The following PTPRG variants were observed in gnomAD, a reference collection of about 807,000 sequenced individuals.
PTPRG encodes the protein protein tyrosine phosphatase receptor type G.
PTPRG carries 102 observed loss-of-function variants against 165.3 expected under a neutral mutation model. The ratio of observed to expected loss-of-function variants is 0.62; its 90% CI spans 0.53 to 0.73. The LOEUF (loss-of-function observed/expected upper bound fraction) is 0.73, where lower values mean the gene tolerates loss of function less well. PTPRG is among the 30% of genes least tolerant of loss of function. The pLI is 0.00. For missense variants in PTPRG, 1,866 were observed against 1,861.4 expected (o/e 1.00, Z -0.05); for synonymous variants, 675 against 669.5 (o/e 1.01, Z -0.13).
intron 1 of PTPRG, among the ~76,000 whole-genome samples, chr3:61,703,225 C>T (rs1194390061): frequency 6.6e-6 from 1 of 152,018 alleles, no homozygotes; most frequent in Non-Finnish European, 1.5e-5. Flanking sequence ...TTGTGTTTGC[C>T]CCACTTATAT....
At chr3:61,939,874 T>G (rs1241576952) in intron 2 of PTPRG, among the ~76,000 whole-genome samples, 1 of 150,536 alleles carries the variant, frequency 6.6e-6, no homozygotes, top group Non-Finnish European at 1.5e-5. Flanking sequence ...ACTTTTGAAT[T>G]GAATGGAAAG....
At chr3:61,644,566 C>G (rs535025690) in intron 1 of PTPRG, among the ~76,000 whole-genome samples, 2 of 152,098 alleles carry the variant, frequency 1.3e-5, no homozygotes, top group Non-Finnish European at 2.9e-5. Flanking sequence ...ATACGCATCT[C>G]GTATTTGTGC....
At chr3:61,680,618 CA>C (rs749075962) in intron 1 of PTPRG, among the ~76,000 whole-genome samples, 5 of 126,672 alleles carry the variant, frequency 3.9e-5, no homozygotes, top group Admixed American at 8.2e-5. Flanking sequence ...AAAAATCATA[CA>C]AAAAAAATAG....
chr3:61,681,487 C>T (rs1041083628), intron 1 of PTPRG, among the ~76,000 whole-genome samples: 1 of 152,188 alleles, frequency 6.6e-6, no homozygotes, highest in East Asian at 1.9e-4. Context: ...GTCAGACTGC[C>T]TGCTAGGACC....
intron 4 of PTPRG, among the ~76,000 whole-genome samples, chr3:62,027,446 C>A (rs1699600072): frequency 1.3e-5 from 2 of 152,100 alleles, no homozygotes; most frequent in African/African-American, 4.8e-5. Flanking sequence ...ATGCAGTGGG[C>A]TGTGTCAGCA....
At chr3:62,004,351 A>T (rs989348719) in intron 4 of PTPRG, among the ~76,000 whole-genome samples, 3 of 152,186 alleles carry the variant, frequency 2.0e-5, no homozygotes, top group African/African-American at 7.2e-5. Context: ...CTTTGGATAA[A>T]CATAGAAATT....
At chr3:61,684,267 A>G (rs1703548521) in intron 1 of PTPRG, among the ~76,000 whole-genome samples, 1 of 152,210 alleles carries the variant, frequency 6.6e-6, no homozygotes, top group Non-Finnish European at 1.5e-5. Flanking sequence ...TTGTTTCCAC[A>G]TCAGTATGCT....
intron 1 of PTPRG, among the ~76,000 whole-genome samples, chr3:61,729,230 A>C (rs1240762408): frequency 3.3e-5 from 5 of 152,182 alleles, no homozygotes; most frequent in Admixed American, 3.3e-4. Flanking sequence ...GAACATTTGC[A>C]CTAAGTGAAG....
intron 1 of PTPRG, among the ~76,000 whole-genome samples, chr3:61,630,891 A>G (rs1701755607): frequency 6.6e-6 from 1 of 152,024 alleles, no homozygotes; most frequent in Non-Finnish European, 1.5e-5. Context: ...TCGTGTCTCT[A>G]CTAAAAATAC....
At chr3:62,117,269 C>T (rs1702900206) in intron 5 of PTPRG, among the ~76,000 whole-genome samples, 1 of 152,196 alleles carries the variant, frequency 6.6e-6, no homozygotes, top group Non-Finnish European at 1.5e-5. Context: ...TTAAAGGGGA[C>T]TTTTCCCAGC....
chr3:62,047,949 A>G (rs1700350247), intron 4 of PTPRG, among the ~76,000 whole-genome samples: 1 of 152,176 alleles, frequency 6.6e-6, no homozygotes, highest in African/African-American at 2.4e-5. Flanking sequence ...AGTGGGATGC[A>G]TAGCTAATTT....
At chr3:61,833,067 T>TTGTGTGTGTGTGTGTGTGTGTGTGTGTG (rs113069211) in intron 2 of PTPRG, among the ~76,000 whole-genome samples, 3 of 146,896 alleles carry the variant, frequency 2.0e-5, no homozygotes, top group South Asian at 2.2e-4. Flanking sequence ...TAGTATTCCA[T>TTGTGTGTGTGTGTGTGTGTGTGTGTGTG]TGTGTGTGTG....
At chr3:61,871,775 C>T (rs1002544443) in intron 2 of PTPRG, among the ~76,000 whole-genome samples, 4 of 152,180 alleles carry the variant, frequency 2.6e-5, no homozygotes, top group Non-Finnish European at 2.9e-5. Flanking sequence ...AATCACAAGG[C>T]CTTTTGGAAT....
At chr3:62,161,534 G>C (rs114558703) in intron 7 of PTPRG, among the ~76,000 whole-genome samples, 1 of 152,170 alleles carries the variant, frequency 6.6e-6, no homozygotes, top group African/African-American at 2.4e-5. Context: ...AATTCAGAAC[G>C]TTTCTATTTC....
intron 1 of PTPRG, among the ~76,000 whole-genome samples, chr3:61,577,041 G>T (rs1194521854): frequency 1.3e-5 from 2 of 152,184 alleles, no homozygotes; most frequent in African/African-American, 2.4e-5. Flanking sequence ...TTAAAACTGT[G>T]ATTGACTTAT....
rs116791930 is a variant in PTPRG, at chr3:61,836,572, T to C, written c.190+87590T>C. On this transcript the variant is annotated intron_variant, in intron 2 of 29. Coordinates refer to ENST00000474889, the MANE Select transcript of PTPRG (RefSeq NM_002841.4). ...TTGCATAATGCCTCTCAGACATTAT[T>C]GACATCAAGGCCTGAACTAGGAATA... 7.2e-3 allele frequency among the ~76,000 whole-genome samples: 1,100 copies of C among 152,348 alleles called. 16 individuals are homozygous for C. The highest frequency in any genetic ancestry group is 0.024 in the African/African-American group (1,004 of 41,582).
chr3:62,260,058 G>C (rs1445066534), intron 16 of PTPRG, among the ~76,000 whole-genome samples: 2 of 152,164 alleles, frequency 1.3e-5, no homozygotes, highest in Non-Finnish European at 1.5e-5. Flanking sequence ...GGAGAGAGTA[G>C]GGGCTGGAAG....
intron 2 of PTPRG, among the ~76,000 whole-genome samples, chr3:61,827,329 C>G (rs2036142941): frequency 6.6e-6 from 1 of 152,188 alleles, no homozygotes; most frequent in African/African-American, 2.4e-5. Flanking sequence ...GATTTTTAGT[C>G]TTTCATGTAA....
rs796750484 is a variant in PTPRG at position 61,674,330 on chromosome 3, A to T, written c.86-74548A>T. ...CAGTTTTGGATTCTACTGTTACCTA[A>T]TGTGTTTAAAGCCATATTGGTTAGC... On this transcript the variant is annotated intron_variant, in intron 1 of 29. Transcript: ENST00000474889. 2.6e-5 allele frequency among the ~76,000 whole-genome samples: 4 copies of T among 151,900 alleles called. 1 individual carries two copies. Among genetic ancestry groups the T allele is most frequent in the African/African-American group, 9.7e-5 (4 of 41,424 alleles).
Sources: gnomAD v4.1 joint callset for allele counts (sites outside exome capture counted in the v4.1 genomes callset) on GRCh38, gnomAD v4.1.1 for gene constraint, MANE v1.5 for transcripts, NCBI Gene and HGNC (gene_info 2026-07-23, HGNC 2026-07-21) for gene names.